Variants in NBPF12 observed in about 807,000 individuals in gnomAD.
NBPF12 encodes NBPF family member NBPF12.
In NBPF12, 115 loss-of-function variants were observed where a neutral mutation model predicts 146.4. The observed-to-expected ratio is 0.79, with a 90% CI of 0.68 to 0.92. NBPF12 has a LOEUF of 0.92. Ranked by LOEUF, NBPF12 falls within the 40% of genes least tolerant of loss-of-function variation. NBPF12 has a pLI of 0.00. For synonymous variants in NBPF12, 385 were observed against 508.9 expected (o/e 0.76, Z 3.28); for missense variants, 1,205 against 1,326.8 (o/e 0.91, Z 1.43).
intron 16 of NBPF12, among the ~76,000 whole-genome samples, chr1:146,976,362 G>C (rs1208497530): frequency 7.2e-6 from 1 of 139,488 alleles, no homozygotes; most frequent in Non-Finnish European, 1.5e-5. Context: ...ACTTACAACT[G>C]CTTTCCAAAA....
At chr1:146,971,261 C>T (rs1369076515) in exon 13 of NBPF12, 40 of 1,612,468 alleles carry the variant, frequency 2.5e-5, no homozygotes, top group African/African-American at 1.5e-4. Flanking sequence ...CAAATAGCCA[C>T]GGCCCTTGTG....
exon 34 of NBPF12, chr1:146,994,873 C>T (rs1300551563): frequency 4.4e-5 from 22 of 498,348 alleles, no homozygotes; most frequent in Non-Finnish European, 7.7e-5. Flanking sequence ...TCAGGGATTT[C>T]ATTTTGCAGG....
At chr1:146,964,832 C>T in intron 7 of NBPF12, 61 bp from the exon 11 acceptor site, 1 of 1,596,188 alleles carries the variant, frequency 6.3e-7, no homozygotes, top group Non-Finnish European at 8.6e-7. Context: ...GCTAGGACTC[C>T]CTGGGGTCCA....
chr1:146,969,743 A>C lies in NBPF12; in HGVS notation c.1306+147A>C, dbSNP rs1314727623. On this transcript the variant is annotated intron_variant, in intron 11 of 33. Coordinates refer to ENST00000617844, the Ensembl canonical transcript of NBPF12. ...TGACATGACCAGGACTTCCTGGGTA[A>C]GAACGGAGATGGGAAACCCATGGGT... 6 of 1,490,476 alleles carry C rather than the reference A, an allele frequency of 4.0e-6. No individual in the cohort carries two copies. In the Admixed American group the frequency reaches 9.1e-5, roughly 23 times the overall value. 92.3% of individuals were successfully genotyped at this position (1,490,476 alleles called of 1,614,324 possible).
chr1:146,983,035 G>A, exon 20 of NBPF12: 3 of 1,608,168 alleles, frequency 1.9e-6, no homozygotes, highest in Admixed American at 3.3e-5. Flanking sequence ...CAGTCTTACA[G>A]CAGCACATTT....
At chr1:146,960,776 C>G (rs1655797435) in intron 4 of NBPF12, among the ~76,000 whole-genome samples, 1 of 151,962 alleles carries the variant, frequency 6.6e-6, no homozygotes, top group African/African-American at 2.4e-5. Context: ...TGATAGTACC[C>G]AGTACCTGCT....
intron 16 of NBPF12, 29 bp downstream of exon 19, chr1:146,975,920 A>G (rs1656962422): frequency 2.6e-6 from 4 of 1,552,214 alleles, no homozygotes; most frequent in Non-Finnish European, 3.5e-6. Flanking sequence ...CTGATGACCC[A>G]AAACCCCAGG....
At chr1:146,965,820 A>AAAAAG (rs1656164243) in intron 8 of NBPF12, among the ~76,000 whole-genome samples, 1 of 138,094 alleles carries the variant, frequency 7.2e-6, no homozygotes, top group Non-Finnish European at 1.6e-5. Context: ...AAAAAAAAAA[A>AAAAAG]GTCTCTGACC....
At chr1:146,972,387 C>G (rs1656704771) in intron 13 of NBPF12, among the ~76,000 whole-genome samples, 2 of 150,918 alleles carry the variant, frequency 1.3e-5, no homozygotes, top group Admixed American at 6.6e-5. Context: ...GAGTGAGACG[C>G]CGTCTCAAAC....
intron 31 of NBPF12, among the ~76,000 whole-genome samples, chr1:146,992,478 G>GTT (rs1658253636): frequency 2.8e-4 from 32 of 112,826 alleles, no homozygotes; most frequent in South Asian, 8.8e-4. Context: ...GTGTGTGTGT[G>GTT]TGTGTGTGTG....
chr1:146,965,855 C>T (rs1656168399), intron 8 of NBPF12, among the ~76,000 whole-genome samples: 1 of 139,622 alleles, frequency 7.2e-6, no homozygotes, highest in Non-Finnish European at 1.5e-5. Context: ...ACATCTTAAT[C>T]CCAGCACTTT....
chr1:146,994,122 GTC>G (rs1317070119), intron 33 of NBPF12, among the ~76,000 whole-genome samples: 1 of 118,350 alleles, frequency 8.4e-6, no homozygotes. Context: ...CTCTGTCTCT[GTC>G]TCTGTCTCTC....
intron 14 of NBPF12, among the ~76,000 whole-genome samples, chr1:146,974,173 A>T (rs1455128766): frequency 1.3e-5 from 2 of 149,542 alleles, no homozygotes; most frequent in Admixed American, 1.3e-4. Flanking sequence ...CTTCATTAGC[A>T]TTTGGGCATA....
At chr1:146,962,705 T>C (rs1433517648) in intron 5 of NBPF12, among the ~76,000 whole-genome samples, 1 of 149,178 alleles carries the variant, frequency 6.7e-6, no homozygotes, top group African/African-American at 2.5e-5. Flanking sequence ...TCGCCCCATC[T>C]GCACCTGGCC....
intron 2 of NBPF12, among the ~76,000 whole-genome samples, chr1:146,957,986 T>C (rs1188454087): frequency 4.2e-5 from 5 of 118,166 alleles, no homozygotes; most frequent in African/African-American, 1.6e-4. Context: ...TATATGTGTG[T>C]GTATATATAT....
At chr1:146,987,695 TTCTC>T (rs1657868651) in intron 25 of NBPF12, among the ~76,000 whole-genome samples, 2 of 131,786 alleles carry the variant, frequency 1.5e-5, no homozygotes, top group African/African-American at 2.9e-5. Context: ...CTCTCTCTCT[TTCTC>T]TCTCAGTGTG....
intron 9 of NBPF12, among the ~76,000 whole-genome samples, chr1:146,967,907 G>A (rs1369209643): frequency 6.9e-6 from 1 of 143,956 alleles, no homozygotes; most frequent in East Asian, 2.1e-4. Flanking sequence ...TTCCTTCATG[G>A]CCTTATGGTG....
At chr1:146,970,659 A>G in exon 12 of NBPF12, 2 of 1,504,628 alleles carry the variant, frequency 1.3e-6, no homozygotes, top group Non-Finnish European at 9.2e-7. Context: ...AATGATGAAG[A>G]TGAGGATGAA....
chr1:146,944,699 T>C (rs1654943167), upstream of NBPF12, among the ~76,000 whole-genome samples: 1 of 148,022 alleles, frequency 6.8e-6, no homozygotes, highest in South Asian at 2.1e-4. Context: ...CGTCTCTCTC[T>C]AATAACTAGT....
Sources: gnomAD v4.1 joint callset for allele counts (sites outside exome capture counted in the v4.1 genomes callset) on GRCh38, gnomAD v4.1.1 for gene constraint, MANE v1.5 for transcripts, NCBI Gene and HGNC (gene_info 2026-07-23, HGNC 2026-07-21) for gene names.